CLHC1: variants seen among roughly 807,000 people sequenced by gnomAD.
CLHC1 encodes the protein clathrin heavy chain linker domain-containing protein 1.
CLHC1 carries 72 observed loss-of-function variants against 69.5 expected under a neutral mutation model. That is an observed-to-expected ratio of 1.04 (90% confidence interval 0.86 to 1.26). The LOEUF is 1.26. Among genes scored for constraint, CLHC1 ranks in the 50% most tolerant of loss-of-function variants. The pLI, the probability that CLHC1 is intolerant of heterozygous loss-of-function variation, is 0.00. For missense variants in CLHC1, 790 were observed against 679.3 expected (o/e 1.16, Z -1.81); for synonymous variants, 223 against 224.3 (o/e 0.99, Z 0.05).
At chr2:55,209,863 A>G (rs772267688) in intron 5 of CLHC1, 32 bp from the exon 6 acceptor site, 1 of 1,437,936 alleles carries the variant, frequency 7.0e-7, no homozygotes, top group Non-Finnish European at 9.7e-7. Flanking sequence ...CAAACACGAC[A>G]AGCCATGTGT....
Position 55,177,612 on chromosome 2 carries a change from T to C in CLHC1, c.1554A>G (p.Lys518=). The C allele has an allele frequency of 1.2e-6, 2 of 1,603,320 alleles. No individual in the cohort carries two copies. Residue 518 remains lysine, a synonymous_variant, in exon 12 of 13, where the codon AAA becomes AAG. Transcript: ENST00000401408. ...VGIKLLQEIN[K]GGIDAVESLM... The stretch of plus-strand genomic sequence containing the variant: ...TTTTATTCTACTTACCTATCCCACC[T>C]TTATTGATTTCTTGAAGTAGCTTAA...
intron 2 of CLHC1, chr2:55,225,301 C>T (rs1170912978): frequency 6.6e-6 from 1 of 152,344 alleles, no homozygotes; most frequent in Non-Finnish European, 1.5e-5. Context: ...CTTCTGGAGC[C>T]AATCTGGAAG....
intron 9 of CLHC1, among the ~76,000 whole-genome samples, chr2:55,193,276 AACT>A (rs1345858861): frequency 6.6e-6 from 1 of 152,180 alleles, no homozygotes; most frequent in Non-Finnish European, 1.5e-5. Flanking sequence ...TCATAAGTGG[AACT>A]TATCAAAATT....
In CLHC1 at chr2:55,204,704, T is replaced by C. The variant is rs542790114; in HGVS notation, c.1006+1566A>G. 2.4e-4 allele frequency among the ~76,000 whole-genome samples: 37 copies of C among 152,040 alleles called. No homozygotes were observed. The South Asian group carries it at 6.8e-3, about 28-fold the overall frequency. On this transcript the variant is annotated intron_variant, in intron 9 of 12. Transcript: ENST00000401408. ...ACCTAAGTGTCCATCAACAGACAAA[T>C]GGAAAGAAAATGTGGTACGTATAGG...
chr2:55,191,815 A>T (rs369707803), intron 9 of CLHC1, among the ~76,000 whole-genome samples: 2 of 152,152 alleles, frequency 1.3e-5, no homozygotes, highest in South Asian at 2.1e-4. Context: ...AAAAGAAGAG[A>T]TAAGAGAAAT....
chr2:55,196,649 G>T (rs1000549569), intron 9 of CLHC1, among the ~76,000 whole-genome samples: 2 of 152,136 alleles, frequency 1.3e-5, no homozygotes, highest in African/African-American at 2.4e-5. Flanking sequence ...CTCATCACCT[G>T]CTGACTAAAC....
intron 3 of CLHC1, among the ~76,000 whole-genome samples, chr2:55,219,847 G>A (rs896814710): frequency 6.6e-6 from 1 of 152,150 alleles, no homozygotes; most frequent in South Asian, 2.1e-4. Context: ...ATATGCTACA[G>A]GAACACAAAA....
At chr2:55,179,890 C>T (rs1669751552) in intron 11 of CLHC1, among the ~76,000 whole-genome samples, 1 of 152,170 alleles carries the variant, frequency 6.6e-6, no homozygotes. Context: ...TGCGGTGGCT[C>T]ACATCTGCAA....
chr2:55,189,664 GA>G (rs1247441557), intron 9 of CLHC1, among the ~76,000 whole-genome samples: 1 of 152,212 alleles, frequency 6.6e-6, no homozygotes. Context: ...AGTACCAGAA[GA>G]AAGAGAGCTG....
intron 4 of CLHC1, 141 bp downstream of exon 4, chr2:55,217,669 AG>A (rs779480170): frequency 1.9e-4 from 89 of 468,740 alleles, no homozygotes; most frequent in Non-Finnish European, 2.8e-4. Flanking sequence ...TCAAGTTACT[AG>A]GAGAAGGTAA....
At chr2:55,178,569 A>G (rs1669626349) in intron 11 of CLHC1, among the ~76,000 whole-genome samples, 2 of 152,142 alleles carry the variant, frequency 1.3e-5, no homozygotes, top group African/African-American at 4.8e-5. Context: ...TGTGTACTGT[A>G]TCCTCAAACT....
Position 55,180,718 on chromosome 2 carries a change from A to G in CLHC1, c.1182-6T>C. ...CCTCCTCAGAAAATGTCAGTCTAGA[A>G]CAAGCAGATCAATAAGACATATGTT... On this transcript the variant is annotated splice_polypyrimidine_tract_variant and splice_region_variant and intron_variant, in intron 10 of 12. Coordinates refer to ENST00000401408, the MANE Select transcript of CLHC1 (RefSeq NM_152385.4). 2 of 1,612,406 alleles carry G rather than the reference A, an allele frequency of 1.2e-6. No homozygotes were observed. The highest frequency in any genetic ancestry group is 1.7e-6 in the Non-Finnish European group (2 of 1,178,516).
intron 5 of CLHC1, among the ~76,000 whole-genome samples, chr2:55,210,398 G>T (rs1385642689): frequency 6.6e-6 from 1 of 151,616 alleles, no homozygotes; most frequent in Non-Finnish European, 1.5e-5. Flanking sequence ...GTTTCACCAT[G>T]TTGGCCAGGC....
intron 7 of CLHC1, among the ~76,000 whole-genome samples, chr2:55,209,081 C>T (rs1558493653): frequency 6.6e-6 from 1 of 151,876 alleles, no homozygotes; most frequent in East Asian, 1.9e-4. Flanking sequence ...CACTGTGTTA[C>T]CCAGGATGGT....
Position 55,174,415 on chromosome 2 carries a change from A to G in CLHC1, c.*1375T>C, listed in dbSNP as rs1669203106. Among the ~76,000 whole-genome samples the G allele has an allele frequency of 6.6e-6, 1 of 152,262 alleles. No individual in the cohort carries two copies. Among genetic ancestry groups the G allele is most frequent in the South Asian group, 2.1e-4 (1 of 4,834 alleles). On this transcript the variant is annotated 3_prime_UTR_variant, in exon 13 of 13. Coordinates refer to ENST00000401408, the MANE Select transcript of CLHC1 (RefSeq NM_152385.4). ...TACTTTAAAGAAGGATAAACATATA[A>G]ATACAAATGAGTAGACATATGGGAT...
chr2:55,204,227 T>A (rs975400162), intron 9 of CLHC1, among the ~76,000 whole-genome samples: 2 of 152,072 alleles, frequency 1.3e-5, no homozygotes, highest in African/African-American at 4.8e-5. Context: ...GAGGTTGTGG[T>A]GAGCCGAGAT....
chr2:55,190,897 G>T lies in CLHC1; in HGVS notation c.1007-9153C>A, dbSNP rs542227106. The stretch of plus-strand genomic sequence containing the variant: ...TCTCAATGGACTCCAAGCATAAGAA[G>T]CATGAAAATAAAACTATACTAACAC... On this transcript the variant is annotated intron_variant, in intron 9 of 12. Transcript: ENST00000401408. 3.6e-4 allele frequency among the ~76,000 whole-genome samples: 54 copies of T among 151,862 alleles called. 1 individual carries two copies. The South Asian group carries it at 8.9e-3, about 25-fold the overall frequency.
At chr2:55,194,518 T>C (rs1418783266) in intron 9 of CLHC1, among the ~76,000 whole-genome samples, 1 of 151,954 alleles carries the variant, frequency 6.6e-6, no homozygotes, top group Non-Finnish European at 1.5e-5. Context: ...ATCACTTCTA[T>C]TCAAAACTGT....
At chr2:55,185,868 G>A (rs1320048263) in intron 9 of CLHC1, among the ~76,000 whole-genome samples, 1 of 152,120 alleles carries the variant, frequency 6.6e-6, no homozygotes, top group Admixed American at 6.5e-5. Flanking sequence ...TTTATTAGAA[G>A]TTCTGCTTCT....
Sources: gnomAD v4.1 joint callset for allele counts (sites outside exome capture counted in the v4.1 genomes callset) on GRCh38, gnomAD v4.1.1 for gene constraint, MANE v1.5 for transcripts, NCBI Gene and HGNC (gene_info 2026-07-23, HGNC 2026-07-21) for gene names.